The following ZNF385D variants were observed in gnomAD, a reference collection of about 807,000 sequenced individuals.
The protein encoded by ZNF385D is zinc finger protein 385D.
ZNF385D carries 15 observed loss-of-function variants against 35.8 expected under a neutral mutation model. The observed-to-expected ratio is 0.42, with a 90% confidence interval of 0.28 to 0.64. The LOEUF (loss-of-function observed/expected upper bound fraction) is 0.64, where lower values mean the gene tolerates loss of function less well. Among genes scored for constraint, ZNF385D ranks in the 30% least tolerant of loss-of-function variants. ZNF385D has a pLI of 0.23. For synonymous variants in ZNF385D, 212 were observed against 186.8 expected (o/e 1.13, Z -1.10); for missense variants, 474 against 494.6 (o/e 0.96, Z 0.39).
Position 22,090,832 on chromosome 3 carries a change from G to A in ZNF385D, c.325+77985C>T, listed in dbSNP as rs115485267. ...TAGCTTGCTCTCCCATGCCTGAGGA[G>A]ACTAGCCTTCCTTGGCCTGCAAATC... On this transcript the variant is annotated intron_variant, in intron 3 of 5. Coordinates refer to the ZNF385D transcript ENST00000494108. 3.8e-3 allele frequency among the ~76,000 whole-genome samples: 583 copies of A among 152,280 alleles called. 6 individuals are homozygous for A. Among genetic ancestry groups the A allele is most frequent in the Admixed American group, 0.013 (205 of 15,284 alleles).
intron 4 of ZNF385D, among the ~76,000 whole-genome samples, chr3:21,506,217 A>T (rs1377861276): frequency 1.3e-5 from 2 of 151,364 alleles, no homozygotes; most frequent in Non-Finnish European, 2.9e-5. Flanking sequence ...ATTACGTGTC[A>T]GTCCACTAAA....
At chr3:22,084,342 T>C (rs1297446159) in intron 3 of ZNF385D, among the ~76,000 whole-genome samples, 1 of 152,282 alleles carries the variant, frequency 6.6e-6, no homozygotes, top group East Asian at 1.9e-4. Flanking sequence ...CCCACTCATG[T>C]GCAGAGACAC....
chr3:22,018,364 T>C (rs1311856102), intron 3 of ZNF385D, among the ~76,000 whole-genome samples: 1 of 151,952 alleles, frequency 6.6e-6, no homozygotes, highest in African/African-American at 2.4e-5. Context: ...CCATTTCTAT[T>C]AACTTGCCTT....
At chr3:21,714,299 TAA>T (rs2068228789) in intron 1 of ZNF385D, among the ~76,000 whole-genome samples, 1 of 152,174 alleles carries the variant, frequency 6.6e-6, no homozygotes, top group Non-Finnish European at 1.5e-5. Context: ...TTCCCTAGAC[TAA>T]GTTATTTCAT....
chr3:21,457,347 GTT>G, intron 4 of ZNF385D, among the ~76,000 whole-genome samples: 1 of 18,920 alleles, frequency 5.3e-5, no homozygotes, highest in Non-Finnish European at 3.2e-4. Flanking sequence ...TGTTGTTGTC[GTT>G]GTTGTTGTTG....
chr3:22,309,892 A>T (rs989465831), intron 2 of ZNF385D, among the ~76,000 whole-genome samples: 2 of 151,996 alleles, frequency 1.3e-5, no homozygotes, highest in African/African-American at 4.8e-5. Context: ...TTGTGTGCCC[A>T]GTATAAAGAG....
At chr3:21,961,653 T>G (rs1021371236) in intron 3 of ZNF385D, 1 of 152,150 alleles carries the variant, frequency 6.6e-6, no homozygotes, top group African/African-American at 2.4e-5. Flanking sequence ...ATTGTTACAT[T>G]TCAATTGTTG....
chr3:22,155,567 T>G (rs1340152133), intron 3 of ZNF385D, among the ~76,000 whole-genome samples: 2 of 152,064 alleles, frequency 1.3e-5, no homozygotes, highest in African/African-American at 4.8e-5. Flanking sequence ...AGGATTATGA[T>G]CATAAATTAC....
At chr3:21,811,939 C>A (rs929767085) in intron 3 of ZNF385D, among the ~76,000 whole-genome samples, 1 of 152,124 alleles carries the variant, frequency 6.6e-6, no homozygotes, top group Non-Finnish European at 1.5e-5. Flanking sequence ...ATAGAGACAA[C>A]AGACATTTTG....
rs1334387619 is a variant in ZNF385D, at chr3:21,418,189, C to T, written c.*3025G>A. 1.3e-5 allele frequency: 2 copies of T among 152,122 alleles called. No homozygotes were observed. Among genetic ancestry groups the T allele is most frequent in the Non-Finnish European group, 2.9e-5 (2 of 67,988 alleles). The allele number at this position is 152,122 out of a possible 1,614,324, so 9.4% of individuals were successfully genotyped here. The stretch of plus-strand genomic sequence containing the variant: ...TCAGAGCTGCTTTCTCTATCACTTT[C>T]CTTGCCATGGTGTGATGCATGGGAA... On this transcript the variant is annotated 3_prime_UTR_variant, in exon 8 of 8. Transcript: ENST00000281523.
At chr3:21,716,853 G>A (rs1006033117) in intron 1 of ZNF385D, among the ~76,000 whole-genome samples, 1 of 152,080 alleles carries the variant, frequency 6.6e-6, no homozygotes, top group African/African-American at 2.4e-5. Flanking sequence ...GGCTGGTGCG[G>A]TGGCTCATAC....
chr3:21,791,360 A>G (rs901045433), intron 3 of ZNF385D, among the ~76,000 whole-genome samples: 8 of 152,230 alleles, frequency 5.3e-5, no homozygotes, highest in Non-Finnish European at 1.5e-5. Flanking sequence ...ATGCAGTGGC[A>G]TGTGATATTA....
intron 7 of ZNF385D, among the ~76,000 whole-genome samples, chr3:21,423,524 C>T (rs1383124786): frequency 6.6e-6 from 1 of 152,084 alleles, no homozygotes; most frequent in Non-Finnish European, 1.5e-5. Flanking sequence ...ATATCCAGGT[C>T]AGGACATTAT....
intron 3 of ZNF385D, among the ~76,000 whole-genome samples, chr3:21,547,538 C>G (rs750293362): frequency 6.6e-6 from 1 of 152,130 alleles, no homozygotes; most frequent in South Asian, 2.1e-4. Context: ...CCCAAAATAG[C>G]GCCTCCTGTT....
chr3:21,949,554 C>CTT (rs372298558), intron 3 of ZNF385D, among the ~76,000 whole-genome samples: 10 of 112,946 alleles, frequency 8.9e-5, no homozygotes, highest in South Asian at 2.9e-4. Flanking sequence ...TTCTTTCTTT[C>CTT]TTTTTTTTTT....
At chr3:21,947,603 G>C (rs1701855946) in intron 3 of ZNF385D, among the ~76,000 whole-genome samples, 1 of 152,254 alleles carries the variant, frequency 6.6e-6, no homozygotes, top group East Asian at 1.9e-4. Context: ...GCCCACATTG[G>C]ACTCCCAGAG....
At chr3:21,805,605 G>T (rs967272009) in intron 3 of ZNF385D, among the ~76,000 whole-genome samples, 4 of 152,118 alleles carry the variant, frequency 2.6e-5, no homozygotes, top group Non-Finnish European at 4.4e-5. Flanking sequence ...GACCAATTTT[G>T]TCATTTGTGA....
chr3:22,219,219 A>G (rs994091427), intron 2 of ZNF385D, among the ~76,000 whole-genome samples: 1 of 152,084 alleles, frequency 6.6e-6, no homozygotes, highest in African/African-American at 2.4e-5. Context: ...ATTTCTGTAA[A>G]AATTCCGTTT....
At chr3:22,140,881 G>T (rs921135827) in intron 3 of ZNF385D, among the ~76,000 whole-genome samples, 1 of 152,182 alleles carries the variant, frequency 6.6e-6, no homozygotes, top group Non-Finnish European at 1.5e-5. Context: ...GAAGACAAAT[G>T]AGACAATACA....
Sources: allele counts gnomAD v4.1 joint callset (sites outside exome capture counted in the v4.1 genomes callset), GRCh38; gene constraint gnomAD v4.1.1; transcripts MANE v1.5; gene names NCBI Gene and HGNC (gene_info 2026-07-23, HGNC 2026-07-21).